Variants in STARD9 observed in about 807,000 individuals in gnomAD.
The protein encoded by STARD9 is StAR related lipid transfer domain containing 9.
In STARD9, 346 loss-of-function variants were observed where a neutral mutation model predicts 399.8. The ratio of observed to expected loss-of-function variants is 0.87; its 90% CI spans 0.79 to 0.95. The LOEUF (loss-of-function observed/expected upper bound fraction) is 0.95. STARD9 is among the 40% of genes least tolerant of loss of function. STARD9 has a pLI of 0.00. For synonymous variants in STARD9, 2,203 were observed against 2,143.5 expected, an observed-to-expected ratio of 1.03 and a Z score of -0.77; for missense variants, 5,832 against 5,667.5, an observed-to-expected ratio of 1.03 and a Z score of -0.93.
chr15:42,718,992 G>A, intron 32 of STARD9, 82 bp downstream of exon 32: 3 of 1,340,892 alleles, frequency 2.2e-6, no homozygotes, highest in Non-Finnish European at 3.1e-6. Flanking sequence ...TCTCGCTTTT[G>A]AACACCCTCC....
chr15:42,656,445 A>G (rs2059875266), intron 9 of STARD9, among the ~76,000 whole-genome samples: 2 of 151,558 alleles, frequency 1.3e-5, no homozygotes, highest in Admixed American at 1.3e-4. Flanking sequence ...ACCATTATGG[A>G]AAACAGTGTG....
In STARD9 at chr15:42,716,683, A is replaced by T; in HGVS notation, c.13291A>T (p.Thr4431Ser). The change falls in exon 27 of 33, where the codon ACA becomes TCA. Residue 4431 changes from threonine (T) to serine (S), a missense_variant. By Grantham distance (58) the Thr-to-Ser change is moderately conservative. Coordinates refer to ENST00000290607, the MANE Select transcript of STARD9 (RefSeq NM_020759.3). ...AGTATCCTCTCTTCTGCAGGGGCAT[A>T]CAAACTTGCCTGATTCCAGGGATGT... ...QLQFPENMGH[T>S]NLPDSRDVWI... is the part of the protein sequence containing the mutation. 1 of 1,535,126 alleles carries T rather than the reference A, an allele frequency of 6.5e-7. No homozygotes were observed. The highest frequency in any genetic ancestry group is 2.4e-5 in the East Asian group (1 of 40,904).
chr15:42,649,572 T>C (rs1360574617), intron 7 of STARD9, among the ~76,000 whole-genome samples: 1 of 152,076 alleles, frequency 6.6e-6, no homozygotes, highest in East Asian at 1.9e-4. Context: ...CTTTTTTTTT[T>C]TTTTGAAACG....
intron 3 of STARD9, among the ~76,000 whole-genome samples, chr15:42,619,424 G>C (rs1252560929): frequency 6.6e-6 from 1 of 151,942 alleles, no homozygotes; most frequent in Non-Finnish European, 1.5e-5. Context: ...AATTAGCCGG[G>C]CATGGTGGCA....
At chr15:42,593,141 CA>C in intron 3 of STARD9, among the ~76,000 whole-genome samples, 1 of 152,272 alleles carries the variant, frequency 6.6e-6, no homozygotes. Flanking sequence ...ATACGTAGTA[CA>C]AGAGAAGCAA....
In STARD9 at chr15:42,652,682, T is replaced by C; in HGVS notation, c.702+90T>C. 4 of 1,239,730 alleles carry C rather than the reference T, an allele frequency of 3.2e-6. No homozygotes were observed. The South Asian group carries it at 5.2e-5, about 16-fold the overall frequency. 76.8% of individuals were successfully genotyped at this position (1,239,730 alleles called of 1,614,324 possible). A position where few individuals can be genotyped will look rare whatever the true frequency, so the allele number is the denominator to read the frequency against. ...TCTTCCTTCCTATTTCTTTTTTTGT[T>C]TGTTGGTTTTTGAGACAGGGTCTCA... On this transcript the variant is annotated intron_variant, in intron 9 of 32. Transcript: ENST00000290607.
intron 3 of STARD9, among the ~76,000 whole-genome samples, chr15:42,589,795 C>T (rs929785631): frequency 4.7e-5 from 7 of 150,376 alleles, no homozygotes; most frequent in Admixed American, 3.3e-4. Context: ...TTAGTAGAGA[C>T]GGGGTTTCAC....
chr15:42,601,122 G>A (rs539904586), intron 3 of STARD9, among the ~76,000 whole-genome samples: 5 of 152,132 alleles, frequency 3.3e-5, no homozygotes, highest in African/African-American at 1.2e-4. Context: ...ATCTTGCACT[G>A]CCCTTAATCC....
chr15:42,642,526 C>T (rs1341252337), intron 7 of STARD9, among the ~76,000 whole-genome samples: 2 of 152,156 alleles, frequency 1.3e-5, no homozygotes, highest in Admixed American at 1.3e-4. Context: ...GTAGTTGGAA[C>T]TTGAGAAAAA....
At chr15:42,585,778 A>G (rs1429886924) in intron 3 of STARD9, 141 bp downstream of exon 3, 9 of 474,166 alleles carry the variant, frequency 1.9e-5, no homozygotes, top group African/African-American at 1.6e-4. Context: ...ACTTTAAGAA[A>G]ACTTTGAAAT....
Position 42,689,168 on chromosome 15 carries a change from G to T in STARD9, c.7590G>T (p.Arg2530Ser), listed in dbSNP as rs1416843187. Residue 2530 changes from arginine (R) to serine (S), a missense_variant, in exon 23 of 33, where the codon AGG (arginine) becomes AGT (serine). Arg to Ser is a moderately radical substitution (Grantham distance 110, BLOSUM62 -1). Coordinates refer to ENST00000290607, the MANE Select transcript of STARD9 (RefSeq NM_020759.3). Reference sequence around the variant, plus strand: ...CCTTAGCACCTGTTTCCCTGCCGAGGGTGCCCAGTCCAGAGCCTAGGCTGT... The same window carrying T: ...CCTTAGCACCTGTTTCCCTGCCGAGTGTGCCCAGTCCAGAGCCTAGGCTGT... ...GVSLAPVSLP[R>S]VPSPEPRLLE... is the part of the protein sequence containing the mutation. The T allele has an allele frequency of 2.0e-6, 3 of 1,537,142 alleles. No individual in the cohort carries two copies. In the African/African-American group the frequency reaches 4.1e-5, roughly 21 times the overall value.
chr15:42,596,398 G>C (rs986087093), intron 3 of STARD9, among the ~76,000 whole-genome samples: 1 of 152,204 alleles, frequency 6.6e-6, no homozygotes, highest in African/African-American at 2.4e-5. Context: ...ATTGCTTGAG[G>C]AAGAGAAGTA....
At chr15:42,702,009 A>C (rs1477409849) in intron 26 of STARD9, among the ~76,000 whole-genome samples, 3 of 151,158 alleles carry the variant, frequency 2.0e-5, no homozygotes, top group African/African-American at 7.3e-5. Flanking sequence ...AAAAAAAAAA[A>C]AAAAAAAGCT....
intron 3 of STARD9, among the ~76,000 whole-genome samples, chr15:42,614,889 C>T (rs531332837): frequency 1.3e-4 from 20 of 151,990 alleles, no homozygotes; most frequent in South Asian, 1.0e-3. Context: ...CCCTTGAACC[C>T]GGGAGGCGGA....
intron 22 of STARD9, 55 bp from the exon 23 acceptor site, chr15:42,684,061 C>G: frequency 6.8e-7 from 1 of 1,476,080 alleles, no homozygotes; most frequent in Non-Finnish European, 9.0e-7. Context: ...CTCCTTCTGT[C>G]CACAGGAAGT....
intron 3 of STARD9, among the ~76,000 whole-genome samples, chr15:42,618,863 C>T (rs957210354): frequency 4.6e-5 from 7 of 152,100 alleles, no homozygotes; most frequent in East Asian, 1.9e-4. Flanking sequence ...TGAGCCATCG[C>T]GCCTGGCCAA....
chr15:42,644,113 AAC>A (rs1045732170), intron 7 of STARD9, among the ~76,000 whole-genome samples: 2 of 152,252 alleles, frequency 1.3e-5, no homozygotes, highest in African/African-American at 2.4e-5. Flanking sequence ...TCAAAATAAA[AAC>A]ACAAATGTTT....
intron 3 of STARD9, among the ~76,000 whole-genome samples, chr15:42,628,815 G>A (rs1004283117): frequency 6.6e-6 from 1 of 152,144 alleles, no homozygotes; most frequent in African/African-American, 2.4e-5. Flanking sequence ...GTACCGTGCT[G>A]TTTTGGCTAC....
At chr15:42,665,382 G>A (rs1001003114) in intron 14 of STARD9, 52 bp downstream of exon 14, 3 of 1,433,840 alleles carry the variant, frequency 2.1e-6, no homozygotes, top group Non-Finnish European at 1.9e-6. Context: ...CTCCTTCTGA[G>A]CCTCTTTTCT....
Sources: gnomAD v4.1 joint callset for allele counts (sites outside exome capture counted in the v4.1 genomes callset) on GRCh38, gnomAD v4.1.1 for gene constraint, MANE v1.5 for transcripts, NCBI Gene and HGNC (gene_info 2026-07-23, HGNC 2026-07-21) for gene names.